The following GPC5 variants were observed in gnomAD, a reference collection of about 807,000 sequenced individuals.
GPC5 encodes glypican-5.
GPC5 carries 47 observed loss-of-function variants against 53.9 expected under a neutral mutation model. The observed-to-expected ratio is 0.87, with a 90% confidence interval of 0.69 to 1.11. The LOEUF (loss-of-function observed/expected upper bound fraction) is 1.11. Ranked by LOEUF, GPC5 falls within the 50% of genes most tolerant of loss-of-function variation. The pLI, the probability that GPC5 is intolerant of heterozygous loss-of-function variation, is 0.00. For missense variants in GPC5, 748 were observed against 713.1 expected (o/e 1.05, Z -0.56); for synonymous variants, 286 against 263.3 (o/e 1.09, Z -0.84).
At chr13:91,993,537 A>C (rs1341930779) in intron 6 of GPC5, among the ~76,000 whole-genome samples, 1 of 152,214 alleles carries the variant, frequency 6.6e-6, no homozygotes, top group African/African-American at 2.4e-5. Context: ...AAGTGTCAGC[A>C]GAAACACGTT....
intron 7 of GPC5, among the ~76,000 whole-genome samples, chr13:92,295,712 C>T (rs1161337585): frequency 6.6e-6 from 1 of 152,122 alleles, no homozygotes; most frequent in Non-Finnish European, 1.5e-5. Flanking sequence ...TATATAATGT[C>T]CCTCTTTGTC....
At chr13:92,698,422 T>C (rs1486348759) in intron 7 of GPC5, among the ~76,000 whole-genome samples, 1 of 152,046 alleles carries the variant, frequency 6.6e-6, no homozygotes, top group Non-Finnish European at 1.5e-5. Context: ...CAGTGTTTGG[T>C]TTTTTGTCCT....
chr13:92,385,478 A>ACG lies in GPC5; in HGVS notation c.1561+240490_1561+240491insGC, dbSNP rs1566567662. On this transcript the variant is annotated intron_variant, in intron 7 of 7. Coordinates refer to ENST00000377067, the MANE Select transcript of GPC5 (RefSeq NM_004466.6). ...CATATATACACATATATACATATAT[A>ACG]CATATATACACATATATACATACAT... Among the ~76,000 whole-genome samples the ACG allele has an allele frequency of 3.4e-4, 46 of 136,698 alleles. 1 individual carries two copies. Among genetic ancestry groups the ACG allele is most frequent in the East Asian group, 2.5e-3 (11 of 4,374 alleles). 89.7% of individuals were successfully genotyped at this position (136,698 alleles called of 152,430 possible). A position where few individuals can be genotyped will look rare whatever the true frequency, so the allele number is the denominator to read the frequency against.
chr13:92,664,954 T>G (rs952460559), intron 7 of GPC5, among the ~76,000 whole-genome samples: 1 of 152,166 alleles, frequency 6.6e-6, no homozygotes, highest in Non-Finnish European at 1.5e-5. Flanking sequence ...CCATGGAATA[T>G]TATGCAGATG....
chr13:91,594,654 A>T (rs1450294297), intron 2 of GPC5, among the ~76,000 whole-genome samples: 1 of 151,246 alleles, frequency 6.6e-6, no homozygotes. Flanking sequence ...GCTAAGTGGG[A>T]TTCTTATTTA....
chr13:92,599,100 TTG>T (rs1883965850), intron 7 of GPC5, among the ~76,000 whole-genome samples: 1 of 152,206 alleles, frequency 6.6e-6, no homozygotes, highest in African/African-American at 2.4e-5. Context: ...CAAATTTTCA[TTG>T]TGAGTTGTTG....
At chr13:92,581,640 T>A (rs1883373407) in intron 7 of GPC5, among the ~76,000 whole-genome samples, 1 of 152,164 alleles carries the variant, frequency 6.6e-6, no homozygotes, top group Non-Finnish European at 1.5e-5. Context: ...GTGAGCTCCA[T>A]ACTGTTTTCC....
rs1185024953 is a variant in GPC5 at position 92,565,936 on chromosome 13, T to C, written c.1562-300346T>C. ...TCCTAATTTGACGTGAACTTTTTAG[T>C]GATCAACCTTTAGTAGATATTACAA... On this transcript the variant is annotated intron_variant, in intron 7 of 7. Transcript: ENST00000377067. Among the ~76,000 whole-genome samples, 4 of 152,204 alleles carry C rather than the reference T, an allele frequency of 2.6e-5. No homozygotes were observed. In the East Asian group the frequency reaches 7.7e-4, roughly 29 times the overall value.
chr13:91,593,896 G>A (rs1172503057), intron 2 of GPC5, among the ~76,000 whole-genome samples: 1 of 149,566 alleles, frequency 6.7e-6, no homozygotes, highest in Non-Finnish European at 1.5e-5. Flanking sequence ...CAAGAAATGT[G>A]CTCTCACAAA....
chr13:92,114,156 AG>A (rs916410888), intron 6 of GPC5, among the ~76,000 whole-genome samples: 3 of 152,174 alleles, frequency 2.0e-5, no homozygotes, highest in African/African-American at 7.2e-5. Context: ...AAACATAAAG[AG>A]TATAGAAACA....
intron 2 of GPC5, among the ~76,000 whole-genome samples, chr13:91,519,623 C>T (rs1371999210): frequency 6.6e-6 from 1 of 152,156 alleles, no homozygotes; most frequent in Non-Finnish European, 1.5e-5. Context: ...CCATGTGGAA[C>T]TATGAGTCAA....
intron 7 of GPC5, among the ~76,000 whole-genome samples, chr13:92,692,536 G>T (rs1352882593): frequency 1.5e-5 from 2 of 129,142 alleles, no homozygotes; most frequent in African/African-American, 5.7e-5. Context: ...GTTGTGGGGT[G>T]GGGGGAGGGG....
chr13:92,311,114 C>T (rs2043142384), intron 7 of GPC5, among the ~76,000 whole-genome samples: 1 of 151,962 alleles, frequency 6.6e-6, no homozygotes, highest in Non-Finnish European at 1.5e-5. Context: ...ACAAGAAAAA[C>T]AAAAAGTTAT....
intron 7 of GPC5, among the ~76,000 whole-genome samples, chr13:92,817,454 G>T (rs746171290): frequency 1.6e-4 from 25 of 151,858 alleles, no homozygotes; most frequent in Non-Finnish European, 3.1e-4. Context: ...ACAGCTTTTT[G>T]ATTACATAGC....
At chr13:91,869,552 C>T (rs749283210) in intron 5 of GPC5, among the ~76,000 whole-genome samples, 3 of 152,052 alleles carry the variant, frequency 2.0e-5, no homozygotes, top group Non-Finnish European at 2.9e-5. Flanking sequence ...GTAACTTATA[C>T]GTTTTCTCCT....
intron 6 of GPC5, among the ~76,000 whole-genome samples, chr13:91,994,075 G>A (rs1428121388): frequency 6.6e-6 from 1 of 152,152 alleles, no homozygotes; most frequent in East Asian, 1.9e-4. Context: ...CTGAATCTTT[G>A]AACAGTATAT....
intron 1 of GPC5, among the ~76,000 whole-genome samples, chr13:91,425,858 G>T (rs1416155498): frequency 2.6e-5 from 4 of 152,102 alleles, no homozygotes. Flanking sequence ...GAGCTTCCTG[G>T]AGACTTGTTG....
At chr13:92,494,845 G>T (rs1879910435) in intron 7 of GPC5, among the ~76,000 whole-genome samples, 1 of 152,068 alleles carries the variant, frequency 6.6e-6, no homozygotes, top group Non-Finnish European at 1.5e-5. Flanking sequence ...CATGTTTTAT[G>T]TCCTTTCTTT....
At chr13:92,753,242 C>T (rs904074735) in intron 7 of GPC5, among the ~76,000 whole-genome samples, 8 of 152,150 alleles carry the variant, frequency 5.3e-5, no homozygotes, top group East Asian at 1.9e-4. Flanking sequence ...ACACCTCACA[C>T]GGCAGGGTAC....
Sources: gnomAD v4.1 joint callset for allele counts (sites outside exome capture counted in the v4.1 genomes callset) on GRCh38, gnomAD v4.1.1 for gene constraint, MANE v1.5 for transcripts, NCBI Gene and HGNC (gene_info 2026-07-23, HGNC 2026-07-21) for gene names.